RALGAPB: variants seen among roughly 807,000 people sequenced by gnomAD.
The protein encoded by RALGAPB is Ral GTPase activating protein non-catalytic subunit beta, also known as ral GTPase-activating protein subunit beta.
RALGAPB carries 25 observed loss-of-function variants against 161.1 expected under a neutral mutation model. That is an observed-to-expected ratio of 0.16 (90% CI 0.11 to 0.22). RALGAPB has a LOEUF of 0.22. Among genes scored for constraint, RALGAPB ranks in the 10% least tolerant of loss-of-function variants. The pLI, the probability that RALGAPB is intolerant of heterozygous loss-of-function variation, is 1.00. For synonymous variants in RALGAPB, 629 were observed against 626.1 expected, an observed-to-expected ratio of 1.00 and a Z score of -0.07; for missense variants, 1,391 against 1,815.2, an observed-to-expected ratio of 0.77 and a Z score of 4.25.
intron 28 of RALGAPB, 82 bp from the exon 29 acceptor site, chr20:38,574,068 T>C: frequency 7.2e-7 from 1 of 1,391,514 alleles, no homozygotes; most frequent in Middle Eastern, 2.0e-4. Context: ...AATCTTAGGC[T>C]ATATGTGGGG....
intron 13 of RALGAPB, among the ~76,000 whole-genome samples, chr20:38,527,715 A>G (rs1260961276): frequency 6.6e-6 from 1 of 152,166 alleles, no homozygotes; most frequent in Admixed American, 6.5e-5. Flanking sequence ...TCCAAGTTAC[A>G]ATGTTTTAGG....
intron 10 of RALGAPB, 123 bp from the exon 11 acceptor site, chr20:38,524,655 C>T: frequency 1.4e-6 from 1 of 725,090 alleles, no homozygotes. Context: ...CAATAATGTC[C>T]TTTCTTTAAA....
intron 21 of RALGAPB, among the ~76,000 whole-genome samples, chr20:38,553,050 C>A (rs1050162947): frequency 1.3e-5 from 2 of 152,104 alleles, no homozygotes; most frequent in East Asian, 3.9e-4. Context: ...GATTGAGTGC[C>A]CCACCGCAAT....
At position 38,565,451 on chromosome 20, in the gene RALGAPB, G is replaced by T. The variant is rs775402377; in HGVS notation, c.3790G>T (p.Val1264Leu). 1 of 1,613,624 alleles carries T rather than the reference G, an allele frequency of 6.2e-7. No individual in the cohort carries two copies. Among genetic ancestry groups the T allele is most frequent in the South Asian group, 1.1e-5 (1 of 91,052 alleles). Residue 1264 changes from valine (V) to leucine (L), a missense_variant, in exon 25 of 30, where the codon GTG (valine) becomes TTG (leucine). Around this residue, in one of 3 missense-constraint regions of RALGAPB, gnomAD observed 436 missense variants for 527.0 expected, o/e 0.83. Transcript: ENST00000262879. ...YADALTEIAF[V>L]VPSPVESLTD... The stretch of plus-strand genomic sequence containing the variant: ...TGATGCCCTTACAGAAATTGCTTTT[G>T]TGGTTCCTTCTCCTGTGGAGTCCTT...
intron 25 of RALGAPB, 92 bp downstream of exon 25, chr20:38,565,570 ATC>A: frequency 1.4e-6 from 2 of 1,409,736 alleles, no homozygotes; most frequent in Non-Finnish European, 1.9e-6. Flanking sequence ...TTTTGAAGTG[ATC>A]TAAGGCATTC....
At chr20:38,524,397 C>T (rs998396044) in intron 10 of RALGAPB, among the ~76,000 whole-genome samples, 1 of 152,170 alleles carries the variant, frequency 6.6e-6, no homozygotes, top group Non-Finnish European at 1.5e-5. Context: ...AGTACTGCAG[C>T]CTGTTGTTTT....
rs373690758 is a variant in RALGAPB at position 38,497,321 on chromosome 20, G to A, written c.390-32G>A. ...GAAGCTGTTGCTGTCTCTCCTCCAG[G>A]CTTGTCAGTGATATCTGTCTGTCTT... On this transcript the variant is annotated intron_variant, in intron 3 of 29. Coordinates refer to ENST00000262879, the MANE Select transcript of RALGAPB (RefSeq NM_020336.4). 3.7e-6 allele frequency: 6 copies of A among 1,604,388 alleles called. No homozygotes were observed. The African/African-American group carries it at 6.7e-5, about 18-fold the overall frequency.
chr20:38,532,965 C>A, intron 15 of RALGAPB, 106 bp downstream of exon 15: 1 of 1,268,052 alleles, frequency 7.9e-7, no homozygotes. Flanking sequence ...TTTTTATATA[C>A]TTAAGTATAA....
chr20:38,565,572 C>A, intron 25 of RALGAPB, 94 bp downstream of exon 25: 2 of 1,396,992 alleles, frequency 1.4e-6, no homozygotes, highest in Admixed American at 2.1e-5. Context: ...TTGAAGTGAT[C>A]TAAGGCATTC....
intron 24 of RALGAPB, among the ~76,000 whole-genome samples, chr20:38,564,763 TAG>T (rs1250047767): frequency 6.6e-6 from 1 of 152,174 alleles, no homozygotes; most frequent in Admixed American, 6.5e-5. Flanking sequence ...TGAGGAGCCA[TAG>T]AGAGAGACCA....
At position 38,525,873 on chromosome 20, in the gene RALGAPB, ATAT is replaced by A; in HGVS notation, c.1903-17_1903-15del. On this transcript the variant is annotated intron_variant, in intron 12 of 29. Transcript: ENST00000262879. ...CATAAGCTGCAACAGCTGATGTTAAATATTATTTGTTTTTTCCATAGGTGGTCC... is the reference window on the plus strand; with the variant it reads ...CATAAGCTGCAACAGCTGATGTTAAATATTTGTTTTTTCCATAGGTGGTCC... 6.2e-7 allele frequency: 1 copy of A among 1,609,148 alleles called. No homozygotes were observed. Among genetic ancestry groups the A allele is most frequent in the Non-Finnish European group, 8.5e-7 (1 of 1,178,016 alleles).
Position 38,527,165 on chromosome 20 carries a change from G to A in RALGAPB, c.2050+1123G>A, listed in dbSNP as rs536005121. On this transcript the variant is annotated intron_variant, in intron 13 of 29. Coordinates refer to ENST00000262879, the MANE Select transcript of RALGAPB (RefSeq NM_020336.4). ...GAGGCTTTCTTTCTTCTCTTCATTA[G>A]CAAGACTAGAATTCAGCTTCTTCCT... Among the ~76,000 whole-genome samples the A allele has an allele frequency of 1.4e-4, 22 of 152,308 alleles. 1 individual carries two copies. The South Asian group carries it at 4.1e-3, about 29-fold the overall frequency.
At position 38,576,678 on chromosome 20, in the gene RALGAPB, G is replaced by A. The variant is rs1368687680; in HGVS notation, c.*1711G>A. 2 of 152,506 alleles carry A rather than the reference G, an allele frequency of 1.3e-5. No individual in the cohort carries two copies. Among genetic ancestry groups the A allele is most frequent in the East Asian group, 3.9e-4 (2 of 5,190 alleles). The allele number at this position is 152,506 out of a possible 1,614,324, so 9.4% of individuals were successfully genotyped here. On this transcript the variant is annotated 3_prime_UTR_variant, in exon 30 of 30. Transcript: ENST00000262879. ...GGGAGAGGGCATATAGGATAAAGAT[G>A]AGCAAATTCTACCCTAAAAATGTTC...
chr20:38,483,697 A>C (rs2085038038), intron 1 of RALGAPB, among the ~76,000 whole-genome samples: 1 of 152,178 alleles, frequency 6.6e-6, no homozygotes, highest in Non-Finnish European at 1.5e-5. Context: ...CATGGCAAGT[A>C]GACTAAGACA....
At chr20:38,549,325 T>G (rs1017763640) in intron 20 of RALGAPB, among the ~76,000 whole-genome samples, 2 of 151,920 alleles carry the variant, frequency 1.3e-5, no homozygotes, top group Non-Finnish European at 2.9e-5. Context: ...GCTCCTGGGC[T>G]CCAGTGATCC....
rs955020684 is a variant in RALGAPB at position 38,525,408 on chromosome 20, C to T, written c.1792C>T (p.Leu598Phe). 6.3e-7 allele frequency: 1 copy of T among 1,581,510 alleles called. No homozygotes were observed. Among genetic ancestry groups the T allele is most frequent in the African/African-American group, 1.4e-5 (1 of 73,184 alleles). Residue 598 changes from leucine (L) to phenylalanine (F), a missense_variant, in exon 12 of 30, where the codon CTC becomes TTC. By Grantham distance (22) the Leu-to-Phe change is conservative. Coordinates refer to ENST00000262879, the MANE Select transcript of RALGAPB (RefSeq NM_020336.4). ...ALETILPDRE[L>F]SKFKSYVNPT... Reference sequence around the variant, plus strand: ...TAGCTTTTTATTTTTTGGCAGAGAACTCTCAAAATTCAAAAGCTATGTAAA... The same window carrying T: ...TAGCTTTTTATTTTTTGGCAGAGAATTCTCAAAATTCAAAAGCTATGTAAA...
rs371593660 is a variant in RALGAPB at position 38,497,421 on chromosome 20, G to A, written c.458G>A (p.Arg153His). Residue 153 changes from arginine (R) to histidine (H), a missense_variant, in exon 4 of 30, where the codon CGT becomes CAT. Arg to His is a conservative substitution (Grantham distance 29, BLOSUM62 0). This residue lies in a region of RALGAPB where 946 missense variants were observed against 1,257.2 expected (regional missense o/e 0.75). Transcript: ENST00000262879. ...CTGAGAGCCATTCAGAAACTGGCCC[G>A]TGAGTCATCTCTCATGGCCCGAGAA... ...QVLRAIQKLA[R>H]ESSLMARETW... 43 of 1,613,768 alleles carry A rather than the reference G, an allele frequency of 2.7e-5. No individual in the cohort carries two copies. In the African/African-American group the frequency reaches 2.9e-4, roughly 11 times the overall value.
At chr20:38,513,263 G>T (rs1245656624) in intron 6 of RALGAPB, among the ~76,000 whole-genome samples, 1 of 151,926 alleles carries the variant, frequency 6.6e-6, no homozygotes, top group Admixed American at 6.6e-5. Context: ...CAACACTTTG[G>T]GAGGCCAAGG....
chr20:38,505,692 AATCGACTACAGTATAGTC>A (rs2085741365), intron 5 of RALGAPB, among the ~76,000 whole-genome samples: 1 of 152,234 alleles, frequency 6.6e-6, no homozygotes, highest in African/African-American at 2.4e-5. Context: ...TTGCATACTT[AATCGACTACAGTATAGTC>A]CAAACATAAC....
Sources: gnomAD v4.1 joint callset for allele counts (sites outside exome capture counted in the v4.1 genomes callset) on GRCh38, gnomAD v4.1.1 for gene constraint, gnomAD v4.1.1 regional missense constraint, MANE v1.5 for transcripts, NCBI Gene and HGNC (gene_info 2026-07-23, HGNC 2026-07-21) for gene names.